TRIM44: variants seen among roughly 807,000 people sequenced by gnomAD.
TRIM44 encodes tripartite motif containing 44, also known as tripartite motif-containing protein 44.
TRIM44 carries 13 observed loss-of-function variants against 37.4 expected under a neutral mutation model. The ratio of observed to expected loss-of-function variants is 0.35; its 90% CI spans 0.23 to 0.55. TRIM44 has a LOEUF of 0.55. Among genes scored for constraint, TRIM44 ranks in the 20% least tolerant of loss-of-function variants. TRIM44 has a pLI of 0.89. For missense variants in TRIM44, 426 were observed against 437.2 expected, an observed-to-expected ratio of 0.97 and a Z score of 0.23; for synonymous variants, 175 against 157.2, an observed-to-expected ratio of 1.11 and a Z score of -0.85.
chr11:35,760,428 AC>A (rs1157362490), intron 4 of TRIM44, among the ~76,000 whole-genome samples: 2 of 152,066 alleles, frequency 1.3e-5, no homozygotes, highest in Non-Finnish European at 2.9e-5. Flanking sequence ...GAATTCCCTG[AC>A]CCCTTGCGCT....
chr11:35,798,042 A>G (rs1008086904), intron 4 of TRIM44, among the ~76,000 whole-genome samples: 1 of 152,160 alleles, frequency 6.6e-6, no homozygotes, highest in African/African-American at 2.4e-5. Context: ...GGTTTCATAC[A>G]TTTTAGGGAG....
At position 35,702,308 on chromosome 11, in the gene TRIM44, G is replaced by A. The variant is rs200444905; in HGVS notation, c.747+16972G>A. The stretch of plus-strand genomic sequence containing the variant: ...CTCGCCCACGCTCCGGGAGGGCAGC[G>A]AGGGTGTGGGCGGCCCGTGCGCATC... On this transcript the variant is annotated intron_variant, in intron 2 of 4. Coordinates refer to ENST00000299413, the MANE Select transcript of TRIM44 (RefSeq NM_017583.6). Among the ~76,000 whole-genome samples, 16 of 152,294 alleles carry A rather than the reference G, an allele frequency of 1.1e-4. No individual in the cohort carries two copies. The East Asian group carries it at 1.7e-3, about 17-fold the overall frequency.
intron 4 of TRIM44, among the ~76,000 whole-genome samples, chr11:35,793,168 GA>G (rs549796218): frequency 1.8e-3 from 113 of 63,716 alleles, no homozygotes; most frequent in African/African-American, 7.7e-3. Flanking sequence ...TATAAAAACT[GA>G]AAAAAAAAAA....
At chr11:35,744,849 C>G (rs1022200417) in intron 4 of TRIM44, among the ~76,000 whole-genome samples, 3 of 152,118 alleles carry the variant, frequency 2.0e-5, no homozygotes, top group Non-Finnish European at 4.4e-5. Context: ...TGTTAGTTTC[C>G]TGAGGATAAT....
At position 35,814,902 on chromosome 11, in the gene TRIM44, TC is replaced by T. The variant is rs1161983696; in HGVS notation, c.*8519del. On this transcript the variant is annotated 3_prime_UTR_variant, in exon 5 of 5. Coordinates refer to ENST00000299413, the MANE Select transcript of TRIM44 (RefSeq NM_017583.6). Reference sequence around the variant, plus strand: ...CGAGGAGGGAGGGAGAGGGAAATTGTCCACCACTTCCCAATGATAATGCCTG... The same window carrying T: ...CGAGGAGGGAGGGAGAGGGAAATTGTCACCACTTCCCAATGATAATGCCTG... 1.3e-5 allele frequency: 2 copies of T among 152,170 alleles called. No individual in the cohort carries two copies. The highest frequency in any genetic ancestry group is 1.3e-4 in the Admixed American group (2 of 15,256). The allele number at this position is 152,170 out of a possible 1,614,324, so 9.4% of individuals were successfully genotyped here. A position where few individuals can be genotyped will look rare whatever the true frequency, so the allele number is the denominator to read the frequency against.
intron 4 of TRIM44, among the ~76,000 whole-genome samples, chr11:35,764,462 T>G (rs1482041645): frequency 6.6e-6 from 1 of 152,168 alleles, no homozygotes; most frequent in African/African-American, 2.4e-5. Context: ...CTGACACCAG[T>G]CCATGTAAGT....
intron 4 of TRIM44, among the ~76,000 whole-genome samples, chr11:35,758,491 C>T (rs2133857941): frequency 6.6e-6 from 1 of 152,212 alleles, no homozygotes; most frequent in African/African-American, 2.4e-5. Context: ...AGCATTTAGC[C>T]CATTTACATT....
chr11:35,799,516 A>G (rs1352017313), intron 4 of TRIM44, among the ~76,000 whole-genome samples: 3 of 152,194 alleles, frequency 2.0e-5, no homozygotes, highest in African/African-American at 7.2e-5. Flanking sequence ...TCTTCATGGT[A>G]GGTGTTAATA....
intron 1 of TRIM44, among the ~76,000 whole-genome samples, chr11:35,684,521 C>G (rs1340377609): frequency 6.6e-6 from 1 of 152,178 alleles, no homozygotes; most frequent in Non-Finnish European, 1.5e-5. Context: ...TTTTAAAACA[C>G]TTTCAGTTAG....
chr11:35,778,033 T>C (rs1002689642), intron 4 of TRIM44, among the ~76,000 whole-genome samples: 1 of 152,236 alleles, frequency 6.6e-6, no homozygotes, highest in Non-Finnish European at 1.5e-5. Flanking sequence ...TTCTCCTGGA[T>C]AAAATCCTGA....
At chr11:35,679,971 A>G (rs1046699998) in intron 1 of TRIM44, among the ~76,000 whole-genome samples, 1 of 152,154 alleles carries the variant, frequency 6.6e-6, no homozygotes, top group Admixed American at 6.5e-5. Context: ...TGCTCTTTAC[A>G]TTTGGAATGT....
intron 3 of TRIM44, among the ~76,000 whole-genome samples, chr11:35,731,041 A>G (rs528897695): frequency 6.6e-6 from 1 of 152,140 alleles, no homozygotes; most frequent in Admixed American, 6.5e-5. Flanking sequence ...CTACAAATAG[A>G]GACAGTTTTA....
chr11:35,753,554 C>A (rs754743046), intron 4 of TRIM44, among the ~76,000 whole-genome samples: 8 of 152,156 alleles, frequency 5.3e-5, no homozygotes, highest in African/African-American at 1.9e-4. Flanking sequence ...CATCTAGGAG[C>A]AGTTCTCTTA....
intron 1 of TRIM44, among the ~76,000 whole-genome samples, chr11:35,665,903 A>T (rs1565400835): frequency 2.7e-5 from 4 of 148,698 alleles, no homozygotes; most frequent in African/African-American, 9.9e-5. Context: ...TTTGTTTCTG[A>T]TTTTTTTTGT....
chr11:35,773,923 A>G (rs1005729845), intron 4 of TRIM44, among the ~76,000 whole-genome samples: 25 of 152,236 alleles, frequency 1.6e-4, no homozygotes, highest in Non-Finnish European at 2.8e-4. Flanking sequence ...ATAGTGCCAC[A>G]ATAAACATAT....
rs1032364643 is a variant in TRIM44, at chr11:35,811,820, A to G, written c.*5435A>G. 3 of 152,216 alleles carry G rather than the reference A, an allele frequency of 2.0e-5. No homozygotes were observed. Among genetic ancestry groups the G allele is most frequent in the African/African-American group, 7.2e-5 (3 of 41,464 alleles). The allele number at this position is 152,216 out of a possible 1,614,324, so 9.4% of individuals were successfully genotyped here. On this transcript the variant is annotated 3_prime_UTR_variant, in exon 5 of 5. Transcript: ENST00000299413. ...CTTCATCAGACCCTTTTAGTTAGCTAGGGACTGTGTGAGAACCTTGAGAAA... is the reference window on the plus strand; with the variant it reads ...CTTCATCAGACCCTTTTAGTTAGCTGGGGACTGTGTGAGAACCTTGAGAAA...
At chr11:35,802,651 C>T (rs1375611528) in intron 4 of TRIM44, among the ~76,000 whole-genome samples, 1 of 152,122 alleles carries the variant, frequency 6.6e-6, no homozygotes, top group African/African-American at 2.4e-5. Flanking sequence ...TACAGCAGTA[C>T]CCTCAAACTA....
At chr11:35,664,688 G>C (rs1017659094) in intron 1 of TRIM44, among the ~76,000 whole-genome samples, 1 of 152,088 alleles carries the variant, frequency 6.6e-6, no homozygotes, top group South Asian at 2.1e-4. Flanking sequence ...CCCTTTTTTA[G>C]TGCCTATTTA....
chr11:35,668,340 A>G lies in TRIM44; in HGVS notation c.669+4560A>G, dbSNP rs573833955. 8.9e-4 allele frequency among the ~76,000 whole-genome samples: 135 copies of G among 152,260 alleles called. 1 individual carries two copies. The highest frequency in any genetic ancestry group is 3.2e-3 in the African/African-American group (131 of 41,534). ...GTATTAAGCCCAGCATCCATTAGCTATTCTTTCTGATGCTCTCCTTCCTCC... is the reference window on the plus strand; with the variant it reads ...GTATTAAGCCCAGCATCCATTAGCTGTTCTTTCTGATGCTCTCCTTCCTCC... On this transcript the variant is annotated intron_variant, in intron 1 of 4. Coordinates refer to ENST00000299413, the MANE Select transcript of TRIM44 (RefSeq NM_017583.6).
Sources: gnomAD v4.1 joint callset for allele counts (sites outside exome capture counted in the v4.1 genomes callset) on GRCh38, gnomAD v4.1.1 for gene constraint, MANE v1.5 for transcripts, NCBI Gene and HGNC (gene_info 2026-07-23, HGNC 2026-07-21) for gene names.